CTDSPL2: variants seen among roughly 807,000 people sequenced by gnomAD.
CTDSPL2 encodes the protein CTD small phosphatase-like protein 2.
In CTDSPL2, 5 loss-of-function variants were observed where a neutral mutation model predicts 60.0. The ratio of observed to expected loss-of-function variants is 0.08; its 90% CI spans 0.04 to 0.18. The LOEUF (loss-of-function observed/expected upper bound fraction) is 0.18. Among genes scored for constraint, CTDSPL2 ranks in the 10% least tolerant of loss-of-function variants. The pLI, the probability that CTDSPL2 is intolerant of heterozygous loss-of-function variation, is 1.00. For synonymous variants in CTDSPL2, 186 were observed against 189.3 expected, an observed-to-expected ratio of 0.98 and a Z score of 0.14; for missense variants, 370 against 548.8, an observed-to-expected ratio of 0.67 and a Z score of 3.26.
At chr15:44,448,335 G>T (rs2141311387) in intron 1 of CTDSPL2, 1 of 261,882 alleles carries the variant, frequency 3.8e-6, no homozygotes, top group Admixed American at 4.3e-5. Flanking sequence ...GGGAGCCTTT[G>T]TGCTCCACAA....
At chr15:44,477,040 A>G (rs966538058) in intron 2 of CTDSPL2, among the ~76,000 whole-genome samples, 1 of 152,184 alleles carries the variant, frequency 6.6e-6, no homozygotes, top group Non-Finnish European at 1.5e-5. Context: ...CCTGTGCAAC[A>G]TAGTAAGACC....
chr15:44,436,753 G>T (rs2079989370), intron 1 of CTDSPL2, among the ~76,000 whole-genome samples: 1 of 151,978 alleles, frequency 6.6e-6, no homozygotes, highest in South Asian at 2.1e-4. Flanking sequence ...AGCAAATCTT[G>T]ACTTTGTTGC....
intron 8 of CTDSPL2, among the ~76,000 whole-genome samples, chr15:44,510,066 A>G (rs557399545): frequency 6.7e-6 from 1 of 150,218 alleles, no homozygotes; most frequent in Non-Finnish European, 1.5e-5. Context: ...GCTCACTGCA[A>G]CCTCTGTCTC....
chr15:44,431,621 A>C (rs79999939), intron 1 of CTDSPL2, among the ~76,000 whole-genome samples: 1 of 152,142 alleles, frequency 6.6e-6, no homozygotes. Context: ...CAGATTGACT[A>C]TCAAATAAGC....
intron 2 of CTDSPL2, among the ~76,000 whole-genome samples, chr15:44,469,646 G>A (rs77317681): frequency 0.019 from 2,912 of 152,034 alleles, 36 homozygotes; most frequent in Middle Eastern, 0.031. Flanking sequence ...ATTCTATCTT[G>A]TTGAATGTTC....
At chr15:44,482,078 C>T (rs999436395) in intron 2 of CTDSPL2, among the ~76,000 whole-genome samples, 1 of 152,154 alleles carries the variant, frequency 6.6e-6, no homozygotes, top group East Asian at 1.9e-4. Context: ...TTATTATCCC[C>T]TGAGGTAGCA....
chr15:44,455,879 T>C (rs2080427302), intron 1 of CTDSPL2, among the ~76,000 whole-genome samples: 1 of 120,864 alleles, frequency 8.3e-6, no homozygotes, highest in Non-Finnish European at 1.6e-5. Context: ...TGAGACGGAG[T>C]CTCGCTGTCG....
At chr15:44,478,507 G>C (rs781715268) in intron 2 of CTDSPL2, among the ~76,000 whole-genome samples, 5 of 139,964 alleles carry the variant, frequency 3.6e-5, no homozygotes, top group Non-Finnish European at 7.6e-5. Context: ...CATATTCTGA[G>C]CTTTTGCATG....
chr15:44,486,762 T>G (rs950030315), intron 4 of CTDSPL2, 62 bp downstream of exon 4: 47 of 1,190,562 alleles, frequency 3.9e-5, no homozygotes, highest in Non-Finnish European at 5.0e-5. Context: ...GTTTGGGTTT[T>G]TTTTTTTTTT....
chr15:44,456,720 G>T (rs548490686), intron 1 of CTDSPL2, among the ~76,000 whole-genome samples: 1 of 151,584 alleles, frequency 6.6e-6, no homozygotes, highest in South Asian at 2.1e-4. Context: ...TTTTTTAAGG[G>T]TTTTTTTGTG....
At chr15:44,491,096 G>A in intron 5 of CTDSPL2, 97 bp downstream of exon 5, 1 of 847,646 alleles carries the variant, frequency 1.2e-6, no homozygotes, top group Non-Finnish European at 1.8e-6. Context: ...TATATGCATA[G>A]GTTTTTCTTC....
At chr15:44,505,795 GCT>G (rs2081451671) in intron 8 of CTDSPL2, among the ~76,000 whole-genome samples, 1 of 151,014 alleles carries the variant, frequency 6.6e-6, no homozygotes, top group Non-Finnish European at 1.5e-5. Context: ...TTATTTAATG[GCT>G]ATAAATTTAG....
At chr15:44,448,761 T>C (rs900253739) in intron 1 of CTDSPL2, 2 of 353,578 alleles carry the variant, frequency 5.7e-6, no homozygotes, top group Admixed American at 3.8e-5. Context: ...GTCCTAACCC[T>C]GTTCCAATAC....
intron 1 of CTDSPL2, among the ~76,000 whole-genome samples, chr15:44,456,336 C>T (rs1667047017): frequency 6.6e-6 from 1 of 152,092 alleles, no homozygotes; most frequent in African/African-American, 2.4e-5. Context: ...CTACTTGTAC[C>T]TCTGGTAGAA....
chr15:44,463,824 A>T (rs986329756), intron 2 of CTDSPL2, among the ~76,000 whole-genome samples: 2 of 152,190 alleles, frequency 1.3e-5, no homozygotes, highest in Admixed American at 1.3e-4. Context: ...GTCTTTTTCA[A>T]AATTTGGGTA....
intron 2 of CTDSPL2, among the ~76,000 whole-genome samples, chr15:44,464,478 G>C (rs561973171): frequency 6.6e-6 from 1 of 152,292 alleles, no homozygotes; most frequent in African/African-American, 2.4e-5. Flanking sequence ...ACTGATACCT[G>C]TATTATTTCT....
intron 8 of CTDSPL2, 77 bp downstream of exon 8, chr15:44,499,890 G>A: frequency 1.3e-6 from 1 of 772,244 alleles, no homozygotes. Flanking sequence ...TTTTTTTTGT[G>A]TGTATGTGAC....
In CTDSPL2 at chr15:44,459,124, G is replaced by A; in HGVS notation, c.110G>A (p.Gly37Glu). The change falls in exon 2 of 13, where the codon GGA becomes GAA. Residue 37 changes from glycine to glutamate, a missense_variant. Coordinates refer to ENST00000260327, the MANE Select transcript of CTDSPL2 (RefSeq NM_016396.3). ...YSEVDDSLPSGGEKPSKNETG... is the reference protein window; with the variant it reads ...YSEVDDSLPSEGEKPSKNETG... ...GAGGTTGATGATAGCCTGCCTTCAGGAGGAGAAAAACCATCGAAGAATGAA... is the reference window on the plus strand; with the variant it reads ...GAGGTTGATGATAGCCTGCCTTCAGAAGGAGAAAAACCATCGAAGAATGAA... The A allele has an allele frequency of 1.2e-6, 2 of 1,613,186 alleles. No homozygotes were observed. The highest frequency in any genetic ancestry group is 1.7e-6 in the Non-Finnish European group (2 of 1,179,550).
In CTDSPL2 at chr15:44,527,799, T is replaced by C. The variant is rs1004603323; in HGVS notation, c.*3625T>C. On this transcript the variant is annotated 3_prime_UTR_variant, in exon 13 of 13. Coordinates refer to ENST00000260327, the MANE Select transcript of CTDSPL2 (RefSeq NM_016396.3). ...AGAGTGGACTGGGAACAAAAATGTA[T>C]GGGCCAAAAGGCCTTAGGGTTGTCA... 2 of 152,210 alleles carry C rather than the reference T, an allele frequency of 1.3e-5. No individual in the cohort carries two copies. Among genetic ancestry groups the C allele is most frequent in the Admixed American group, 1.3e-4 (2 of 15,272 alleles). The allele number at this position is 152,210 out of a possible 1,614,324, so 9.4% of individuals were successfully genotyped here.
Sources: gnomAD v4.1 joint callset for allele counts (sites outside exome capture counted in the v4.1 genomes callset) on GRCh38, gnomAD v4.1.1 for gene constraint, MANE v1.5 for transcripts, NCBI Gene and HGNC (gene_info 2026-07-23, HGNC 2026-07-21) for gene names.